Variants in IQSEC1 observed in about 807,000 individuals in gnomAD.
The protein encoded by IQSEC1 is IQ motif and Sec7 domain ArfGEF 1.
Under a neutral mutation model 91.0 loss-of-function variants are expected in IQSEC1, and 31 were observed. The ratio of observed to expected loss-of-function variants is 0.34; its 90% CI spans 0.26 to 0.46. The LOEUF is 0.46. Ranked by LOEUF, IQSEC1 falls within the 20% of genes least tolerant of loss-of-function variation. The probability of loss-of-function intolerance (pLI) is 1.00; values close to 1 mark genes in which losing one functional copy is unlikely to be tolerated. For missense variants in IQSEC1, 1,388 were observed against 1,575.6 expected (o/e 0.88, Z 2.02); for synonymous variants, 699 against 662.6 (o/e 1.05, Z -0.84).
intron 1 of IQSEC1, among the ~76,000 whole-genome samples, chr3:13,231,556 C>T (rs34225890): frequency 0.54 from 81,280 of 151,630 alleles, 22,133 homozygotes; most frequent in East Asian, 0.86. Context: ...CACCTCCCAA[C>T]GGCCCCACCT....
chr3:12,958,297 C>T (rs1700042246), intron 1 of IQSEC1, among the ~76,000 whole-genome samples: 1 of 152,168 alleles, frequency 6.6e-6, no homozygotes, highest in South Asian at 2.1e-4. Flanking sequence ...AAACACTATC[C>T]CCCTCAACCT....
At chr3:13,168,399 C>A (rs930758831) in intron 1 of IQSEC1, among the ~76,000 whole-genome samples, 4 of 152,094 alleles carry the variant, frequency 2.6e-5, no homozygotes, top group Non-Finnish European at 5.9e-5. Context: ...GTGGAAATGA[C>A]AGTTTACATC....
At position 12,908,093 on chromosome 3, in the gene IQSEC1, G is replaced by A. The variant is rs763539049; in HGVS notation, c.2755+256C>T. On this transcript the variant is annotated intron_variant, in intron 12 of 13. Transcript: ENST00000613206. The surrounding 1 kb of genome is among the most constrained non-coding windows in gnomAD (Gnocchi z 4.9). Reference sequence around the variant, plus strand: ...AATAAAACCCCTGGAAGAAGAAAGGGAAAATGGGGGTGACTTCCCCAGCTA... The same window carrying A: ...AATAAAACCCCTGGAAGAAGAAAGGAAAAATGGGGGTGACTTCCCCAGCTA... Among the ~76,000 whole-genome samples the A allele has an allele frequency of 1.2e-3, 185 of 152,354 alleles. No individual in the cohort carries two copies. The highest frequency in any genetic ancestry group is 2.2e-3 in the Non-Finnish European group (153 of 68,030).
intron 1 of IQSEC1, among the ~76,000 whole-genome samples, chr3:13,045,959 G>C (rs1458131863): frequency 6.6e-6 from 1 of 152,238 alleles, no homozygotes; most frequent in Non-Finnish European, 1.5e-5. Context: ...GACAATGCTA[G>C]CATTTGACTA....
chr3:12,943,299 G>A (rs1003422001), intron 1 of IQSEC1, among the ~76,000 whole-genome samples: 7 of 152,226 alleles, frequency 4.6e-5, no homozygotes, highest in African/African-American at 1.7e-4. Flanking sequence ...CAGTGCCCCT[G>A]GTGGGGCCAT....
At chr3:13,213,678 T>A (rs1434118901) in intron 1 of IQSEC1, among the ~76,000 whole-genome samples, 1 of 152,136 alleles carries the variant, frequency 6.6e-6, no homozygotes, top group East Asian at 1.9e-4. Context: ...ATTTAGTAAT[T>A]ACCAGACTGC....
chr3:13,118,710 C>T (rs568625185), intron 2 of IQSEC1, among the ~76,000 whole-genome samples: 71 of 152,230 alleles, frequency 4.7e-4, no homozygotes, highest in African/African-American at 1.5e-3. Flanking sequence ...AAAAAAAGAA[C>T]GAGTTCTGGA....
At chr3:13,181,159 G>A (rs561016737) in intron 1 of IQSEC1, among the ~76,000 whole-genome samples, 63 of 152,196 alleles carry the variant, frequency 4.1e-4, no homozygotes, top group Middle Eastern at 3.4e-3. Context: ...TAGTCCCAGC[G>A]ACTCAGGAGG....
At chr3:13,127,304 C>G (rs981839110) in intron 2 of IQSEC1, among the ~76,000 whole-genome samples, 1 of 152,078 alleles carries the variant, frequency 6.6e-6, no homozygotes, top group Non-Finnish European at 1.5e-5. Context: ...ATCCCAGCTA[C>G]TTGGGAGGCT....
intron 1 of IQSEC1, among the ~76,000 whole-genome samples, chr3:13,189,952 G>A (rs1576288407): frequency 6.6e-6 from 1 of 152,142 alleles, no homozygotes; most frequent in African/African-American, 2.4e-5. Flanking sequence ...CTTCCTCCCT[G>A]ACCCTCCCAG....
intron 2 of IQSEC1, among the ~76,000 whole-genome samples, chr3:13,108,464 C>T (rs530346017): frequency 7.5e-4 from 114 of 152,044 alleles, no homozygotes; most frequent in Non-Finnish European, 1.2e-3. Flanking sequence ...CCAGACACCA[C>T]GTCCCATTTG....
intron 1 of IQSEC1, among the ~76,000 whole-genome samples, chr3:13,165,540 G>GTA (rs1693475314): frequency 2.9e-5 from 1 of 34,628 alleles, no homozygotes. Flanking sequence ...GGGGTGGCGT[G>GTA]TGTGTGTGTG....
chr3:13,226,589 CA>C (rs59319538), intron 1 of IQSEC1, among the ~76,000 whole-genome samples: 1,742 of 144,308 alleles, frequency 0.012, 12 homozygotes, highest in Middle Eastern at 0.022. Flanking sequence ...CCATCTCTAC[CA>C]AAAAAAAAAA....
intron 1 of IQSEC1, among the ~76,000 whole-genome samples, chr3:12,954,743 AG>A (rs1699790882): frequency 6.6e-6 from 1 of 152,170 alleles, no homozygotes; most frequent in Non-Finnish European, 1.5e-5. Flanking sequence ...GGCACATGGC[AG>A]GCGCTCAGTC....
rs372623759 is a variant in IQSEC1 at position 13,275,596 on chromosome 3, C to A, written c.272+7115G>T. The stretch of plus-strand genomic sequence containing the variant: ...CTCCTCTCTCCTGCTCTTCAAGTCC[C>A]AGCTCAAAGGTACGTCCTCCAGGAA... On this transcript the variant is annotated intron_variant, in intron 1 of 15. Transcript: ENST00000648114. Among the ~76,000 whole-genome samples the A allele has an allele frequency of 1.4e-4, 21 of 152,352 alleles. No homozygotes were observed. The East Asian group carries it at 3.9e-3, about 28-fold the overall frequency.
Position 12,900,893 on chromosome 3 carries a change from C to T in IQSEC1, c.*90G>A. ...AGGGGAGAGATGGCAACAGAAGTGC[C>T]CCGGGTTTGGTGTGCGGCTGGCGAC... On this transcript the variant is annotated 3_prime_UTR_variant, in exon 14 of 14. Transcript: ENST00000613206. 6.5e-7 allele frequency: 1 copy of T among 1,535,430 alleles called. No homozygotes were observed. The highest frequency in any genetic ancestry group is 8.7e-7 in the Non-Finnish European group (1 of 1,146,350).
chr3:13,176,298 T>C (rs1212923703), intron 1 of IQSEC1, among the ~76,000 whole-genome samples: 1 of 152,208 alleles, frequency 6.6e-6, no homozygotes, highest in African/African-American at 2.4e-5. Flanking sequence ...AACTGGAGGA[T>C]AACAAGTGTT....
At chr3:12,995,757 C>G (rs1702202944) in intron 1 of IQSEC1, among the ~76,000 whole-genome samples, 1 of 152,250 alleles carries the variant, frequency 6.6e-6, no homozygotes, top group African/African-American at 2.4e-5. Context: ...AAGAGTTAAG[C>G]CCATGGCTTC....
chr3:12,962,982 T>G (rs11917085), intron 1 of IQSEC1, among the ~76,000 whole-genome samples: 2,316 of 152,320 alleles, frequency 0.015, 64 homozygotes, highest in African/African-American at 0.053. Flanking sequence ...GTGACATATT[T>G]TGCCAAAGAT....
Sources: allele counts gnomAD v4.1 joint callset (sites outside exome capture counted in the v4.1 genomes callset), GRCh38; gene constraint gnomAD v4.1.1; non-coding constraint Gnocchi (gnomAD v3.1); transcripts MANE v1.5; gene names NCBI Gene and HGNC (gene_info 2026-07-23, HGNC 2026-07-21).